CBFB: variants seen among roughly 807,000 people sequenced by gnomAD.
CBFB encodes core-binding factor subunit beta.
CBFB carries 9 observed loss-of-function variants against 30.4 expected under a neutral mutation model. The ratio of observed to expected loss-of-function variants is 0.30; its 90% CI spans 0.18 to 0.52. The LOEUF is 0.52. Ranked by LOEUF, CBFB falls within the 20% of genes least tolerant of loss-of-function variation. CBFB has a pLI of 0.97. For synonymous variants in CBFB, 94 were observed against 84.0 expected (o/e 1.12, Z -0.65); for missense variants, 170 against 244.0 (o/e 0.70, Z 2.02).
chr16:67,041,571 C>T (rs1334711789), intron 3 of CBFB, among the ~76,000 whole-genome samples: 1 of 151,872 alleles, frequency 6.6e-6, no homozygotes, highest in African/African-American at 2.4e-5. Context: ...CACTGCACTC[C>T]AGCCTGGGCA....
intron 5 of CBFB, among the ~76,000 whole-genome samples, chr16:67,091,907 T>C (rs937077104): frequency 5.9e-5 from 9 of 152,142 alleles, no homozygotes; most frequent in Non-Finnish European, 8.8e-5. Context: ...GAGTTTCGCC[T>C]TTGTTGCCCA....
At chr16:67,033,685 C>T (rs1355415502) in intron 2 of CBFB, among the ~76,000 whole-genome samples, 1 of 151,020 alleles carries the variant, frequency 6.6e-6, no homozygotes, top group Non-Finnish European at 1.5e-5. Flanking sequence ...GATCTCGGCT[C>T]ACTGCAAGCT....
At chr16:67,051,675 A>G (rs757302491) in intron 3 of CBFB, among the ~76,000 whole-genome samples, 4 of 151,828 alleles carry the variant, frequency 2.6e-5, no homozygotes, top group Non-Finnish European at 5.9e-5. Context: ...ACCAACATAT[A>G]TAGGTAAAAT....
At chr16:67,068,574 C>CT (rs1186474732) in intron 4 of CBFB, among the ~76,000 whole-genome samples, 1 of 152,178 alleles carries the variant, frequency 6.6e-6, no homozygotes, top group Non-Finnish European at 1.5e-5. Flanking sequence ...AGGCGAGTCA[C>CT]TAAACAAACA....
chr16:67,085,844 A>AT (rs1050302256), intron 5 of CBFB, among the ~76,000 whole-genome samples: 1 of 150,354 alleles, frequency 6.7e-6, no homozygotes, highest in Non-Finnish European at 1.5e-5. Context: ...TGCCCGGCTA[A>AT]TTTTTTGTAT....
intron 3 of CBFB, among the ~76,000 whole-genome samples, chr16:67,051,337 A>C (rs1016304553): frequency 1.3e-5 from 2 of 152,212 alleles, no homozygotes; most frequent in Non-Finnish European, 2.9e-5. Context: ...GTGAAAAAAC[A>C]CAAACCAGAT....
intron 3 of CBFB, among the ~76,000 whole-genome samples, chr16:67,052,575 C>T (rs1161682023): frequency 6.7e-6 from 1 of 149,020 alleles, no homozygotes; most frequent in African/African-American, 2.5e-5. Flanking sequence ...GACCCTGTCT[C>T]TTAAAAAAAA....
chr16:67,076,924 C>G (rs190236088), intron 4 of CBFB, among the ~76,000 whole-genome samples: 1 of 150,992 alleles, frequency 6.6e-6, no homozygotes, highest in East Asian at 1.9e-4. Flanking sequence ...TTTTCATTGT[C>G]AGCTTTGTCA....
chr16:67,048,775 G>A (rs891690179), intron 3 of CBFB, among the ~76,000 whole-genome samples: 4 of 147,348 alleles, frequency 2.7e-5, no homozygotes, highest in Non-Finnish European at 6.0e-5. Flanking sequence ...GGATGGTCTC[G>A]ATCTCTTGAC....
At chr16:67,074,198 C>G (rs957761953) in intron 4 of CBFB, among the ~76,000 whole-genome samples, 1 of 109,130 alleles carries the variant, frequency 9.2e-6, no homozygotes, top group South Asian at 2.9e-4. Flanking sequence ...TATATACCAG[C>G]AATAAACAAA....
chr16:67,054,068 C>G (rs1035707730), intron 3 of CBFB, among the ~76,000 whole-genome samples: 1 of 152,012 alleles, frequency 6.6e-6, no homozygotes, highest in African/African-American at 2.4e-5. Context: ...TGATTGTCCT[C>G]TATATCCAGC....
rs1162307047 is a variant in CBFB, at chr16:67,092,696, A to ATTTTT, written c.496-6013_496-6012insTTTTT. On this transcript the variant is annotated intron_variant, in intron 5 of 5. Coordinates refer to ENST00000412916, the MANE Select transcript of CBFB (RefSeq NM_022845.3). ...ACCCAGGCTAGGTTACAGTGGTGCAATCTTTTTTTTTTTTTTTTTTTTTTT... is the reference window on the plus strand; with the variant it reads ...ACCCAGGCTAGGTTACAGTGGTGCAATTTTTTCTTTTTTTTTTTTTTTTTTTTTTT... Among the ~76,000 whole-genome samples, 74 of 94,674 alleles carry ATTTTT rather than the reference A, an allele frequency of 7.8e-4. 1 individual carries two copies. Among genetic ancestry groups the ATTTTT allele is most frequent in the South Asian group, 2.2e-3 (6 of 2,780 alleles). The allele number at this position is 94,674 out of a possible 152,430, so 62.1% of individuals were successfully genotyped here.
chr16:67,036,583 G>A, intron 2 of CBFB, 56 bp from the exon 3 acceptor site: 1 of 942,772 alleles, frequency 1.1e-6, no homozygotes, highest in Non-Finnish European at 1.8e-6. Context: ...ATGACTGCTT[G>A]CATAATTTAT....
At chr16:67,082,899 T>A (rs1046695640) in intron 5 of CBFB, among the ~76,000 whole-genome samples, 3 of 152,100 alleles carry the variant, frequency 2.0e-5, no homozygotes, top group Admixed American at 6.6e-5. Context: ...ATACATTTTT[T>A]AAAATAATAA....
chr16:67,053,869 T>C (rs1485664281), intron 3 of CBFB, among the ~76,000 whole-genome samples: 1 of 151,886 alleles, frequency 6.6e-6, no homozygotes, highest in African/African-American at 2.4e-5. Context: ...TAATTTCTTT[T>C]GTCAAAATTG....
chr16:67,050,561 A>G (rs1966723194), intron 3 of CBFB, among the ~76,000 whole-genome samples: 1 of 152,114 alleles, frequency 6.6e-6, no homozygotes, highest in Non-Finnish European at 1.5e-5. Context: ...TTGGGAGACC[A>G]AGGCAGGAGG....
rs147280931 is a variant in CBFB, at chr16:67,065,412, T to C, written c.283-1270T>C. Among the ~76,000 whole-genome samples the C allele has an allele frequency of 1.7e-3, 266 of 152,382 alleles. 2 individuals carry two copies. Among genetic ancestry groups the C allele is most frequent in the Non-Finnish European group, 2.9e-3 (195 of 68,040 alleles). On this transcript the variant is annotated intron_variant, in intron 3 of 5. Coordinates refer to ENST00000412916, the MANE Select transcript of CBFB (RefSeq NM_022845.3). Reference sequence around the variant, plus strand: ...TATTTCTCTAATGTGTAAGTAGATATACTTGTTGGATGTGATACAGTATGA... The same window carrying C: ...TATTTCTCTAATGTGTAAGTAGATACACTTGTTGGATGTGATACAGTATGA...
chr16:67,033,820 T>G (rs1247259936), intron 2 of CBFB, among the ~76,000 whole-genome samples: 3 of 106,890 alleles, frequency 2.8e-5, no homozygotes, highest in African/African-American at 1.3e-4. Flanking sequence ...TTCACCGTTG[T>G]TTTTTTTTTT....
At chr16:67,034,075 G>A (rs966401910) in intron 2 of CBFB, among the ~76,000 whole-genome samples, 3 of 151,942 alleles carry the variant, frequency 2.0e-5, no homozygotes, top group African/African-American at 7.3e-5. Flanking sequence ...TGATCTGCCT[G>A]TGTTGGCCTC....
Sources: allele counts gnomAD v4.1 joint callset (sites outside exome capture counted in the v4.1 genomes callset), GRCh38; gene constraint gnomAD v4.1.1; transcripts MANE v1.5; gene names NCBI Gene and HGNC (gene_info 2026-07-23, HGNC 2026-07-21).